WDR49: variants seen among roughly 807,000 people sequenced by gnomAD.
WDR49 encodes the protein WD repeat domain 49.
In WDR49, 107 loss-of-function variants were observed where a neutral mutation model predicts 119.5. That is an observed-to-expected ratio of 0.90 (90% CI 0.77 to 1.05). WDR49 has a LOEUF of 1.05. Among genes scored for constraint, WDR49 ranks in the 50% least tolerant of loss-of-function variants. WDR49 has a pLI of 0.00. For synonymous variants in WDR49, 425 were observed against 418.8 expected, an observed-to-expected ratio of 1.01 and a Z score of -0.18; for missense variants, 1,240 against 1,220.5, an observed-to-expected ratio of 1.02 and a Z score of -0.24.
intron 5 of WDR49, among the ~76,000 whole-genome samples, chr3:167,619,648 A>G (rs757278488): frequency 6.6e-6 from 1 of 152,178 alleles, no homozygotes; most frequent in Non-Finnish European, 1.5e-5. Context: ...TAGCCCAATA[A>G]CATTAATCTC....
chr3:167,495,758 T>A (rs1577196830), intron 18 of WDR49, among the ~76,000 whole-genome samples: 1 of 150,582 alleles, frequency 6.6e-6, no homozygotes, highest in African/African-American at 2.4e-5. Context: ...CAGTAAAACA[T>A]CTGAAAACCA....
chr3:167,499,413 A>C (rs1751476336), intron 18 of WDR49, among the ~76,000 whole-genome samples: 2 of 152,202 alleles, frequency 1.3e-5, no homozygotes, highest in Admixed American at 1.3e-4. Flanking sequence ...GATTGTTACA[A>C]GTTGAAAACT....
At position 167,653,925 on chromosome 3, in the gene WDR49, G is replaced by A. The variant is rs116614821; in HGVS notation, c.-166C>T. Reference sequence around the variant, plus strand: ...GCTGCAGAGTTTCCCTACCAATGAAGTACTTGACTCTGAATGCCACCTTCC... The same window carrying A: ...GCTGCAGAGTTTCCCTACCAATGAAATACTTGACTCTGAATGCCACCTTCC... On this transcript the variant is annotated 5_prime_UTR_variant, in exon 1 of 19. Coordinates refer to ENST00000682715, the MANE Select transcript of WDR49 (RefSeq NM_001366157.1). 555 of 153,184 alleles carry A rather than the reference G, an allele frequency of 3.6e-3. 2 individuals are homozygous for A. Among genetic ancestry groups the A allele is most frequent in the Middle Eastern group, 6.8e-3 (2 of 294 alleles). 9.5% of individuals were successfully genotyped at this position (153,184 alleles called of 1,614,324 possible). A position where few individuals can be genotyped will look rare whatever the true frequency, so the allele number is the denominator to read the frequency against.
chr3:167,612,888 G>A (rs985610556), intron 5 of WDR49, among the ~76,000 whole-genome samples: 2 of 152,310 alleles, frequency 1.3e-5, no homozygotes, highest in Middle Eastern at 3.4e-3. Flanking sequence ...TGGAATGATA[G>A]TTACCAAAGG....
At chr3:167,532,385 AACTCCCATAAAATACAATAT>A (rs1373765492) in intron 12 of WDR49, among the ~76,000 whole-genome samples, 1 of 152,156 alleles carries the variant, frequency 6.6e-6, no homozygotes, top group Non-Finnish European at 1.5e-5. Flanking sequence ...TGCTCTGCTA[AACTCCCATAAAATACAATAT>A]ACTCCCATCT....
At chr3:167,603,448 A>G (rs547999771) in intron 6 of WDR49, among the ~76,000 whole-genome samples, 1 of 152,156 alleles carries the variant, frequency 6.6e-6, no homozygotes, top group Non-Finnish European at 1.5e-5. Context: ...TCACGAATTC[A>G]TATTCAAGGT....
At chr3:167,605,191 A>G (rs1458648739) in intron 5 of WDR49, among the ~76,000 whole-genome samples, 1 of 152,148 alleles carries the variant, frequency 6.6e-6, no homozygotes, top group Non-Finnish European at 1.5e-5. Flanking sequence ...AGAAGCAGGA[A>G]AATAGCTCAA....
chr3:167,571,916 C>T lies in WDR49; in HGVS notation c.1509+4002G>A, dbSNP rs1402073341. 4.6e-5 allele frequency among the ~76,000 whole-genome samples: 7 copies of T among 152,168 alleles called. 1 individual carries two copies. Among genetic ancestry groups the T allele is most frequent in the Non-Finnish European group, 8.8e-5 (6 of 68,016 alleles). ...TTATAAATGTGTCCAAGGTTCCCAACAAACTGAAACATTATCTATTTTACA... is the reference window on the plus strand; with the variant it reads ...TTATAAATGTGTCCAAGGTTCCCAATAAACTGAAACATTATCTATTTTACA... On this transcript the variant is annotated intron_variant, in intron 8 of 18. Coordinates refer to ENST00000682715, the MANE Select transcript of WDR49 (RefSeq NM_001366157.1).
At chr3:167,585,591 G>A (rs2108291827) in intron 7 of WDR49, among the ~76,000 whole-genome samples, 1 of 151,900 alleles carries the variant, frequency 6.6e-6, no homozygotes, top group Middle Eastern at 3.4e-3. Flanking sequence ...ATCTTCAAGA[G>A]ATACTGTTTA....
At chr3:167,521,975 T>TAGAC (rs1383191824) in intron 16 of WDR49, among the ~76,000 whole-genome samples, 2 of 115,184 alleles carry the variant, frequency 1.7e-5, no homozygotes, top group East Asian at 3.2e-4. Context: ...GATAGATAGA[T>TAGAC]AGATAGATAG....
At chr3:167,639,209 C>T (rs1237373179) in intron 2 of WDR49, among the ~76,000 whole-genome samples, 2 of 151,648 alleles carry the variant, frequency 1.3e-5, no homozygotes, top group East Asian at 1.9e-4. Flanking sequence ...CAAATATATA[C>T]TTTTTTAAAT....
At position 167,505,362 on chromosome 3, in the gene WDR49, G is replaced by A. The variant is rs924824690; in HGVS notation, c.2829C>T (p.Thr943=). ...AAGGTTTTTGTGTTTCTTTCATGCA[G>A]GTACTTCTTTCCTTATATTTTATAT... is the stretch of plus-strand genomic sequence containing the variant. ...NLDIKYKERS[T]CMKETQKPYY... The change falls in exon 17 of 19, where the codon ACC becomes ACT. Residue 943 remains threonine (T), a synonymous_variant. Transcript: ENST00000682715. 3.3e-6 allele frequency: 5 copies of A among 1,530,074 alleles called. No individual in the cohort carries two copies. The African/African-American group carries it at 7.1e-5, about 22-fold the overall frequency. The allele number at this position is 1,530,074 out of a possible 1,614,324, so 94.8% of individuals were successfully genotyped here. A position where few individuals can be genotyped will look rare whatever the true frequency, so the allele number is the denominator to read the frequency against.
At chr3:167,523,470 G>A (rs1752526428) in intron 15 of WDR49, among the ~76,000 whole-genome samples, 3 of 150,842 alleles carry the variant, frequency 2.0e-5, no homozygotes, top group South Asian at 2.1e-4. Context: ...ATGGTGGCTT[G>A]CTGCACCTAT....
chr3:167,504,463 CA>C (rs1367686163), intron 17 of WDR49, among the ~76,000 whole-genome samples: 1 of 152,156 alleles, frequency 6.6e-6, no homozygotes, highest in Non-Finnish European at 1.5e-5. Flanking sequence ...TTCTTTTGGC[CA>C]GTTTCTCCTT....
At chr3:167,489,236 G>A (rs909562969) in intron 18 of WDR49, among the ~76,000 whole-genome samples, 3 of 152,030 alleles carry the variant, frequency 2.0e-5, no homozygotes, top group African/African-American at 7.2e-5. Flanking sequence ...GACTCAAAAT[G>A]TATATTTGTT....
chr3:167,554,852 T>C, intron 9 of WDR49, 54 bp from the exon 10 acceptor site: 2 of 1,299,372 alleles, frequency 1.5e-6, no homozygotes, highest in East Asian at 4.8e-5. Context: ...CTTTTTATAT[T>C]CTGAACCAGG....
intron 5 of WDR49, among the ~76,000 whole-genome samples, chr3:167,619,017 C>G (rs1005674388): frequency 6.6e-6 from 1 of 152,100 alleles, no homozygotes; most frequent in Non-Finnish European, 1.5e-5. Context: ...AATGCATCAT[C>G]GGAAAAGACA....
intron 9 of WDR49, among the ~76,000 whole-genome samples, chr3:167,556,206 T>A (rs973816545): frequency 6.6e-6 from 1 of 152,166 alleles, no homozygotes; most frequent in South Asian, 2.1e-4. Context: ...CAATAAAAAA[T>A]CATGAAGAAA....
chr3:167,558,125 C>T (rs1205889722), intron 9 of WDR49, among the ~76,000 whole-genome samples: 1 of 152,062 alleles, frequency 6.6e-6, no homozygotes, highest in South Asian at 2.1e-4. Context: ...CGAAAATAAA[C>T]AAACAAATGG....
Sources: allele counts gnomAD v4.1 joint callset (sites outside exome capture counted in the v4.1 genomes callset), GRCh38; gene constraint gnomAD v4.1.1; transcripts MANE v1.5; gene names NCBI Gene and HGNC (gene_info 2026-07-23, HGNC 2026-07-21).